Variants in FBXL7 observed in about 807,000 individuals in gnomAD.
FBXL7 encodes F-box and leucine rich repeat protein 7, also known as F-box/LRR-repeat protein 7.
FBXL7 carries 12 observed loss-of-function variants against 38.3 expected under a neutral mutation model. That is an observed-to-expected ratio of 0.31 (90% CI 0.20 to 0.51). FBXL7 has a LOEUF of 0.51. FBXL7 is among the 20% of genes least tolerant of loss of function. The probability of loss-of-function intolerance (pLI) is 0.98; values close to 1 mark genes in which losing one functional copy is unlikely to be tolerated. For synonymous variants in FBXL7, 297 were observed against 300.9 expected (o/e 0.99, Z 0.13); for missense variants, 567 against 676.4 (o/e 0.84, Z 1.79).
At chr5:15,816,740 A>G (rs1738025595) in intron 2 of FBXL7, among the ~76,000 whole-genome samples, 2 of 152,228 alleles carry the variant, frequency 1.3e-5, no homozygotes, top group African/African-American at 2.4e-5. Flanking sequence ...TACAAATAAA[A>G]AGTATTTAAC....
chr5:15,763,448 C>A (rs887438931), intron 2 of FBXL7, among the ~76,000 whole-genome samples: 1 of 152,108 alleles, frequency 6.6e-6, no homozygotes, highest in Non-Finnish European at 1.5e-5. Context: ...TCTTTTTGGA[C>A]CAAAGTACGT....
intron 2 of FBXL7, among the ~76,000 whole-genome samples, chr5:15,638,673 C>A (rs1741264756): frequency 6.6e-6 from 1 of 151,980 alleles, no homozygotes; most frequent in African/African-American, 2.4e-5. Context: ...ATCCCCAGAG[C>A]AATAATGACC....
At chr5:15,703,869 C>G (rs1579391927) in intron 2 of FBXL7, among the ~76,000 whole-genome samples, 1 of 152,104 alleles carries the variant, frequency 6.6e-6, no homozygotes, top group East Asian at 1.9e-4. Context: ...ACTAAAGACA[C>G]AAAATAATAA....
At chr5:15,935,381 G>A (rs1367949738) in intron 3 of FBXL7, 3 of 393,370 alleles carry the variant, frequency 7.6e-6, no homozygotes, top group Admixed American at 6.0e-5. Flanking sequence ...GTGAACGGGC[G>A]TCATCCCGAG....
At position 15,842,886 on chromosome 5, in the gene FBXL7, C is replaced by T. The variant is rs1013399593; in HGVS notation, c.128-85004C>T. On this transcript the variant is annotated intron_variant, in intron 2 of 3. Transcript: ENST00000504595. The stretch of plus-strand genomic sequence containing the variant: ...TCTTTATAAATTTAAATTACCCAGT[C>T]TTGATTATGTCTTTTTTAGCAGGAG... 2.2e-4 allele frequency among the ~76,000 whole-genome samples: 33 copies of T among 152,260 alleles called. 1 individual carries two copies. Among genetic ancestry groups the T allele is most frequent in the African/African-American group, 7.7e-4 (32 of 41,566 alleles).
At chr5:15,724,012 G>A (rs1252629495) in intron 2 of FBXL7, among the ~76,000 whole-genome samples, 1 of 152,146 alleles carries the variant, frequency 6.6e-6, no homozygotes, top group Non-Finnish European at 1.5e-5. Context: ...GTGTTGCCTG[G>A]TCTCATTGAG....
chr5:15,660,530 A>AT (rs1466464546), intron 2 of FBXL7, among the ~76,000 whole-genome samples: 2 of 151,816 alleles, frequency 1.3e-5, no homozygotes, highest in African/African-American at 4.8e-5. Context: ...CTAATTTTGT[A>AT]TTTTTTTGGT....
At chr5:15,662,673 T>C (rs994446577) in intron 2 of FBXL7, among the ~76,000 whole-genome samples, 3 of 152,220 alleles carry the variant, frequency 2.0e-5, no homozygotes, top group African/African-American at 7.2e-5. Context: ...AATTCATTTT[T>C]GTATATGGTG....
intron 2 of FBXL7, among the ~76,000 whole-genome samples, chr5:15,791,444 C>A (rs1200817624): frequency 3.3e-5 from 5 of 152,102 alleles, no homozygotes; most frequent in African/African-American, 9.7e-5. Context: ...AATCATGTAT[C>A]CAAGAAGGAA....
intron 2 of FBXL7, among the ~76,000 whole-genome samples, chr5:15,876,758 TTAAAA>T (rs1168787709): frequency 6.6e-6 from 1 of 152,226 alleles, no homozygotes; most frequent in Admixed American, 6.5e-5. Flanking sequence ...TTCAATTTCT[TTAAAA>T]TAAGCAATTA....
chr5:15,593,038 C>T (rs907784448), intron 1 of FBXL7, among the ~76,000 whole-genome samples: 1 of 152,150 alleles, frequency 6.6e-6, no homozygotes, highest in African/African-American at 2.4e-5. Flanking sequence ...AAACGATTCT[C>T]CTGATAGAGT....
chr5:15,838,375 C>T lies in FBXL7; in HGVS notation c.128-89515C>T, dbSNP rs553951944. On this transcript the variant is annotated intron_variant, in intron 2 of 3. Coordinates refer to ENST00000504595, the MANE Select transcript of FBXL7 (RefSeq NM_012304.5). ...TTGTGTCCTCATATTGTGGAAGATG[C>T]GAGGGGTCTCTTTTATAAGAGCACT... 7.2e-5 allele frequency among the ~76,000 whole-genome samples: 11 copies of T among 152,182 alleles called. No individual in the cohort carries two copies. In the South Asian group the frequency reaches 1.0e-3, roughly 14 times the overall value.
chr5:15,862,992 G>C (rs1337458686), intron 2 of FBXL7, among the ~76,000 whole-genome samples: 1 of 152,158 alleles, frequency 6.6e-6, no homozygotes, highest in Non-Finnish European at 1.5e-5. Flanking sequence ...GTGCACATCT[G>C]TGTGTATTGA....
intron 2 of FBXL7, among the ~76,000 whole-genome samples, chr5:15,888,236 A>G (rs1429888437): frequency 1.9e-5 from 2 of 106,692 alleles, no homozygotes; most frequent in East Asian, 6.2e-4. Context: ...TTATTTATTT[A>G]TTTATTTTTG....
chr5:15,710,251 C>T (rs906753801), intron 2 of FBXL7, among the ~76,000 whole-genome samples: 4 of 152,174 alleles, frequency 2.6e-5, no homozygotes, highest in Non-Finnish European at 4.4e-5. Flanking sequence ...CGCACACCCT[C>T]GTTGACTCTC....
intron 2 of FBXL7, among the ~76,000 whole-genome samples, chr5:15,872,445 T>C (rs943299827): frequency 2.0e-5 from 3 of 152,050 alleles, no homozygotes; most frequent in African/African-American, 7.3e-5. Flanking sequence ...TAACCTTAAA[T>C]GTAAATGGAC....
intron 2 of FBXL7, among the ~76,000 whole-genome samples, chr5:15,624,429 A>G (rs1740743721): frequency 6.6e-6 from 1 of 152,170 alleles, no homozygotes; most frequent in Non-Finnish European, 1.5e-5. Flanking sequence ...TTGCTGCAGC[A>G]TTTACCCGAA....
At chr5:15,857,091 C>T (rs534297675) in intron 2 of FBXL7, among the ~76,000 whole-genome samples, 2 of 152,304 alleles carry the variant, frequency 1.3e-5, no homozygotes, top group Admixed American at 1.3e-4. Context: ...TCCCATGGCA[C>T]TGCCGCAGGC....
chr5:15,555,060 G>A (rs1436156890), intron 1 of FBXL7, among the ~76,000 whole-genome samples: 2 of 152,224 alleles, frequency 1.3e-5, no homozygotes, highest in Non-Finnish European at 2.9e-5. Flanking sequence ...ATTCTTGCTT[G>A]TGAGGGTGTC....
Sources: allele counts gnomAD v4.1 joint callset (sites outside exome capture counted in the v4.1 genomes callset), GRCh38; gene constraint gnomAD v4.1.1; transcripts MANE v1.5; gene names NCBI Gene and HGNC (gene_info 2026-07-23, HGNC 2026-07-21).